Variants in ADGRL2 observed in about 807,000 individuals in gnomAD.
The protein encoded by ADGRL2 is adhesion G protein-coupled receptor L2, also known as calcium-independent alpha-latrotoxin receptor 2.
A neutral mutation model predicts 157.4 loss-of-function variants in ADGRL2; 44 were observed. That is an observed-to-expected ratio of 0.28 (90% CI 0.22 to 0.36). The LOEUF (loss-of-function observed/expected upper bound fraction) is 0.36. Among genes scored for constraint, ADGRL2 ranks in the 10% least tolerant of loss-of-function variants. The pLI is 1.00. For synonymous variants in ADGRL2, 585 were observed against 624.7 expected, an observed-to-expected ratio of 0.94 and a Z score of 0.95; for missense variants, 1,510 against 1,768.9, an observed-to-expected ratio of 0.85 and a Z score of 2.63.
chr1:81,472,615 G>A (rs1452017801), intron 2 of ADGRL2, among the ~76,000 whole-genome samples: 1 of 151,794 alleles, frequency 6.6e-6, no homozygotes, highest in Non-Finnish European at 1.5e-5. Context: ...CAGCCTGGGC[G>A]ACAGAGCAAG....
chr1:81,683,760 A>G (rs2083169749), intron 3 of ADGRL2, among the ~76,000 whole-genome samples: 1 of 151,722 alleles, frequency 6.6e-6, no homozygotes, highest in Non-Finnish European at 1.5e-5. Context: ...ACGTTTTGCA[A>G]TTGTGAATTG....
chr1:81,835,153 T>G (rs115617710), intron 1 of ADGRL2, among the ~76,000 whole-genome samples: 3 of 152,172 alleles, frequency 2.0e-5, no homozygotes, highest in Admixed American at 1.3e-4. Flanking sequence ...GTGCAAGAGT[T>G]GAGCATGTGG....
rs539135381 is a variant in ADGRL2 at position 81,470,008 on chromosome 1, G to A, written c.-248+24919G>A. Among the ~76,000 whole-genome samples, 6 of 152,284 alleles carry A rather than the reference G, an allele frequency of 3.9e-5. No individual in the cohort carries two copies. The East Asian group carries it at 5.8e-4, about 15-fold the overall frequency. On this transcript the variant is annotated intron_variant, in intron 2 of 24. Transcript: ENST00000370721. ...GCACCAAAGAGCTTCTGCAGAGGGCGATTCTGCAACATGGATGACCAAGAG... is the reference window on the plus strand; with the variant it reads ...GCACCAAAGAGCTTCTGCAGAGGGCAATTCTGCAACATGGATGACCAAGAG...
chr1:81,590,101 G>C (rs1001891938), intron 3 of ADGRL2, among the ~76,000 whole-genome samples: 1 of 152,030 alleles, frequency 6.6e-6, no homozygotes, highest in Non-Finnish European at 1.5e-5. Context: ...AAATACTCTT[G>C]GTCCTTTTGG....
At chr1:81,593,396 T>G (rs2081171102) in intron 3 of ADGRL2, among the ~76,000 whole-genome samples, 1 of 152,170 alleles carries the variant, frequency 6.6e-6, no homozygotes, top group Non-Finnish European at 1.5e-5. Flanking sequence ...CCTCCTCAGT[T>G]TCCTAATCTG....
chr1:81,343,295 G>A (rs1662221500), intron 1 of ADGRL2, among the ~76,000 whole-genome samples: 1 of 151,406 alleles, frequency 6.6e-6, no homozygotes, highest in South Asian at 2.1e-4. Flanking sequence ...TTACCATGTT[G>A]GCAAGACTGG....
chr1:81,592,637 C>T (rs550951251), intron 3 of ADGRL2, among the ~76,000 whole-genome samples: 27 of 152,134 alleles, frequency 1.8e-4, no homozygotes, highest in African/African-American at 5.3e-4. Context: ...GGAGTGCTTT[C>T]GGAGAAGGGG....
chr1:81,746,666 T>C (rs1473916403), intron 1 of ADGRL2, among the ~76,000 whole-genome samples: 2 of 152,102 alleles, frequency 1.3e-5, no homozygotes, highest in Non-Finnish European at 2.9e-5. Context: ...AAATGATATG[T>C]TTATAGTATA....
chr1:81,622,091 A>C (rs2148713847), intron 3 of ADGRL2, among the ~76,000 whole-genome samples: 1 of 152,352 alleles, frequency 6.6e-6, no homozygotes, highest in South Asian at 2.1e-4. Flanking sequence ...ATAGGATAGA[A>C]GCTAGGACTT....
At chr1:81,787,005 A>T (rs549459491) in intron 2 of ADGRL2, among the ~76,000 whole-genome samples, 2 of 152,036 alleles carry the variant, frequency 1.3e-5, no homozygotes, top group Non-Finnish European at 2.9e-5. Flanking sequence ...TTTCCCCTAT[A>T]CTGTTCTCGT....
At chr1:81,771,340 A>G (rs2086358832) in intron 2 of ADGRL2, among the ~76,000 whole-genome samples, 1 of 152,152 alleles carries the variant, frequency 6.6e-6, no homozygotes, top group African/African-American at 2.4e-5. Context: ...ATCCTCTTTC[A>G]CCTTAAAGAC....
At chr1:81,508,079 G>A (rs142093961) in intron 2 of ADGRL2, among the ~76,000 whole-genome samples, 1,527 of 151,984 alleles carry the variant, frequency 0.01, 14 homozygotes, top group African/African-American at 0.023. Flanking sequence ...TCTATCACTC[G>A]GCTTTATATT....
chr1:81,972,927 A>AAG (rs1659174343), intron 17 of ADGRL2, among the ~76,000 whole-genome samples: 1 of 150,446 alleles, frequency 6.6e-6, no homozygotes, highest in Non-Finnish European at 1.5e-5. Context: ...AAAAAAAAAA[A>AAG]CTTGCTCAGT....
At position 81,657,211 on chromosome 1, in the gene ADGRL2, A is replaced by G. The variant is rs553267590; in HGVS notation, c.-143+76231A>G. ...ATCATATTAAAAGGTGGGGCTTTGG[A>G]GAGTCAATTAAGTCATAAAAGGGGA... On this transcript the variant is annotated intron_variant, in intron 3 of 24. Transcript: ENST00000370721. Among the ~76,000 whole-genome samples, 7 of 152,178 alleles carry G rather than the reference A, an allele frequency of 4.6e-5. No homozygotes were observed. In the South Asian group the frequency reaches 1.5e-3, roughly 32 times the overall value.
chr1:81,774,637 T>C (rs1362129206), intron 2 of ADGRL2, among the ~76,000 whole-genome samples: 1 of 152,226 alleles, frequency 6.6e-6, no homozygotes, highest in Non-Finnish European at 1.5e-5. Context: ...TTAATAATCA[T>C]GTGACAGTGT....
At chr1:81,331,710 A>G (rs1661279701) in intron 1 of ADGRL2, among the ~76,000 whole-genome samples, 3 of 152,186 alleles carry the variant, frequency 2.0e-5, no homozygotes, top group Admixed American at 2.0e-4. Flanking sequence ...AATAGCTACC[A>G]TGTTAGCAGT....
At chr1:81,555,616 G>C (rs150973391) in intron 2 of ADGRL2, among the ~76,000 whole-genome samples, 26 of 151,984 alleles carry the variant, frequency 1.7e-4, no homozygotes, top group African/African-American at 6.0e-4. Context: ...AATTTGAGGC[G>C]ACCTGAAAAA....
chr1:81,601,550 G>C (rs2081333572), intron 3 of ADGRL2, among the ~76,000 whole-genome samples: 1 of 152,130 alleles, frequency 6.6e-6, no homozygotes, highest in Non-Finnish European at 1.5e-5. Context: ...TGTCCTTGTG[G>C]AAAGATAGCC....
intron 2 of ADGRL2, among the ~76,000 whole-genome samples, chr1:81,864,672 A>C (rs972755903): frequency 2.0e-5 from 3 of 152,132 alleles, no homozygotes; most frequent in African/African-American, 7.2e-5. Context: ...TATTTCTAAA[A>C]GTTACGAAGC....
Sources: gnomAD v4.1 joint callset for allele counts (sites outside exome capture counted in the v4.1 genomes callset) on GRCh38, gnomAD v4.1.1 for gene constraint, MANE v1.5 for transcripts, NCBI Gene and HGNC (gene_info 2026-07-23, HGNC 2026-07-21) for gene names.